The following SLC38A2 variants were observed in gnomAD, a reference collection of about 807,000 sequenced individuals.
The protein encoded by SLC38A2 is solute carrier family 38 member 2, also known as sodium-coupled neutral amino acid symporter 2.
A neutral mutation model predicts 61.5 loss-of-function variants in SLC38A2; 11 were observed. That is an observed-to-expected ratio of 0.18 (90% CI 0.11 to 0.30). The LOEUF (loss-of-function observed/expected upper bound fraction) is 0.30. Among genes scored for constraint, SLC38A2 ranks in the 10% least tolerant of loss-of-function variants. The pLI is 1.00. For synonymous variants in SLC38A2, 217 were observed against 212.5 expected (o/e 1.02, Z -0.18); for missense variants, 522 against 600.4 (o/e 0.87, Z 1.36).
At chr12:46,371,141 C>G (rs918044278) in intron 2 of SLC38A2, 37 bp downstream of exon 2, 1 of 1,580,988 alleles carries the variant, frequency 6.3e-7, no homozygotes, top group East Asian at 2.2e-5. Flanking sequence ...CCAACCCATG[C>G]AAGCCGTTTT....
At chr12:46,362,250 A>T in intron 15 of SLC38A2, 34 bp downstream of exon 15, 2 of 1,481,288 alleles carry the variant, frequency 1.4e-6, no homozygotes, top group Non-Finnish European at 1.8e-6. Context: ...TTATGATATT[A>T]TTACTGTTTC....
intron 7 of SLC38A2, 66 bp from the exon 8 acceptor site, chr12:46,365,255 A>G: frequency 8.0e-7 from 1 of 1,252,548 alleles, no homozygotes. Flanking sequence ...CACATCTTCT[A>G]ACAGGACTCA....
chr12:46,372,114 C>T (rs1458903016), intron 1 of SLC38A2, among the ~76,000 whole-genome samples: 3 of 152,250 alleles, frequency 2.0e-5, no homozygotes, highest in Admixed American at 1.3e-4. Flanking sequence ...ATCTTGGCCT[C>T]TCCTGTAATA....
chr12:46,365,701 C>T (rs754653060), intron 7 of SLC38A2, among the ~76,000 whole-genome samples: 9 of 151,810 alleles, frequency 5.9e-5, no homozygotes, highest in Non-Finnish European at 1.3e-4. Flanking sequence ...CAAACTGCCC[C>T]CCCCATAAAA....
intron 8 of SLC38A2, 28 bp downstream of exon 8, chr12:46,365,079 A>C (rs1425149046): frequency 6.3e-7 from 1 of 1,584,084 alleles, no homozygotes; most frequent in Non-Finnish European, 8.7e-7. Flanking sequence ...GGCTCATTTC[A>C]ATTCTCTTTA....
In SLC38A2 at chr12:46,364,565, A is replaced by G. The variant is rs1943119021; in HGVS notation, c.706-9T>C. On this transcript the variant is annotated splice_polypyrimidine_tract_variant and intron_variant, in intron 9 of 15. Transcript: ENST00000256689. ...AATTTCTTGCAAATGACCTAAAAATATATTATTTTGCATGTGTTAAACTAA... is the reference window on the plus strand; with the variant it reads ...AATTTCTTGCAAATGACCTAAAAATGTATTATTTTGCATGTGTTAAACTAA... 6.2e-7 allele frequency: 1 copy of G among 1,600,410 alleles called. No homozygotes were observed. Among genetic ancestry groups the G allele is most frequent in the Admixed American group, 1.8e-5 (1 of 56,348 alleles).
chr12:46,364,203 G>C (rs1489580112), intron 10 of SLC38A2, among the ~76,000 whole-genome samples, 186 bp downstream of exon 10: 1 of 151,962 alleles, frequency 6.6e-6, no homozygotes, highest in South Asian at 2.1e-4. Context: ...AGCACCATAT[G>C]ATTATCTCAA....
chr12:46,360,511 C>T lies in SLC38A2; in HGVS notation c.*600G>A, dbSNP rs1032554474. On this transcript the variant is annotated 3_prime_UTR_variant, in exon 16 of 16. Coordinates refer to ENST00000256689, the MANE Select transcript of SLC38A2 (RefSeq NM_018976.5). ...GTAAAAAAGTATTTGGCTTATTATGCCTACAAAAAGGCAAACCATTTCATT... is the reference window on the plus strand; with the variant it reads ...GTAAAAAAGTATTTGGCTTATTATGTCTACAAAAAGGCAAACCATTTCATT... 6.6e-6 allele frequency: 1 copy of T among 152,028 alleles called. No individual in the cohort carries two copies. The highest frequency in any genetic ancestry group is 2.4e-5 in the African/African-American group (1 of 41,408). The allele number at this position is 152,028 out of a possible 1,614,324, so 9.4% of individuals were successfully genotyped here.
At position 46,363,481 on chromosome 12, in the gene SLC38A2, C is replaced by CATGT. The variant is rs147644818; in HGVS notation, c.1054+244_1054+245insACAT. Among the ~76,000 whole-genome samples the CATGT allele has an allele frequency of 6.7e-3, 1,024 of 152,070 alleles. 8 individuals are homozygous for CATGT. The highest frequency in any genetic ancestry group is 0.024 in the African/African-American group (978 of 41,496). ...CAGGCAATATGAACTCAGAGGCTGG[C>CATGT]ATATCATACAAATATGCCATCAAAT... On this transcript the variant is annotated intron_variant, in intron 12 of 15. Transcript: ENST00000256689.
Position 46,366,842 on chromosome 12 carries a change from A to T in SLC38A2, c.563+22T>A. The T allele has an allele frequency of 3.1e-6, 5 of 1,587,338 alleles. 1 individual carries two copies. In the South Asian group the frequency reaches 5.8e-5, roughly 18 times the overall value. ...CTTTTGACTATAATTGTTTCTTATG[A>T]GTAACCTTACTTAGCACCTACCCAG... On this transcript the variant is annotated intron_variant, in intron 7 of 15. Coordinates refer to ENST00000256689, the MANE Select transcript of SLC38A2 (RefSeq NM_018976.5).
In SLC38A2 at chr12:46,364,635, C is replaced by A. The variant is rs1324330945; in HGVS notation, c.705+9G>T. ...AAAAAATTTTTTCTAAAAAAAAAATCATACCCACCACAATCAGAAAGAACA... is the reference window on the plus strand; with the variant it reads ...AAAAAATTTTTTCTAAAAAAAAAATAATACCCACCACAATCAGAAAGAACA... On this transcript the variant is annotated intron_variant, in intron 9 of 15. Coordinates refer to ENST00000256689, the MANE Select transcript of SLC38A2 (RefSeq NM_018976.5). 1.9e-6 allele frequency: 3 copies of A among 1,602,640 alleles called. No homozygotes were observed. The highest frequency in any genetic ancestry group is 2.2e-5 in the East Asian group (1 of 44,798).
intron 10 of SLC38A2, 97 bp downstream of exon 10, chr12:46,364,292 A>T: frequency 1.6e-6 from 2 of 1,264,836 alleles, no homozygotes; most frequent in South Asian, 3.1e-5. Context: ...TTTTCTATAA[A>T]GCACCTATTA....
chr12:46,369,623 G>A (rs183206422), intron 4 of SLC38A2, among the ~76,000 whole-genome samples: 27 of 152,164 alleles, frequency 1.8e-4, no homozygotes, highest in Admixed American at 7.8e-4. Context: ...AGGGGTCCAC[G>A]GGTACTTAAA....
chr12:46,360,065 C>T lies in SLC38A2; in HGVS notation c.*1046G>A, dbSNP rs80269170. 1 of 152,622 alleles carries T rather than the reference C, an allele frequency of 6.6e-6. No individual in the cohort carries two copies. Among genetic ancestry groups the T allele is most frequent in the African/African-American group, 2.4e-5 (1 of 41,436 alleles). The allele number at this position is 152,622 out of a possible 1,614,324, so 9.5% of individuals were successfully genotyped here. A position where few individuals can be genotyped will look rare whatever the true frequency, so the allele number is the denominator to read the frequency against. ...ATTTTGAAAAAGTGTACTCTCTGGA[C>T]ACAATAATTTTGGCCTATTGCCATC... On this transcript the variant is annotated 3_prime_UTR_variant, in exon 16 of 16. Transcript: ENST00000256689.
Position 46,362,626 on chromosome 12 carries a change from C to A in SLC38A2, c.1192G>T (p.Val398Leu). The change falls in exon 14 of 16, where the codon GTA (valine) becomes TTA (leucine). Residue 398 changes from valine to leucine, a missense_variant. Transcript: ENST00000256689. ...TTTGATGCACACAACAAGTGAGTTA[C>A]AGAACTCCGGATCTGCAAAAAAAAT... ...PVVIFPIRSS[V>L]THLLCASKDF... 6.4e-7 allele frequency: 1 copy of A among 1,569,828 alleles called. No individual in the cohort carries two copies.
rs773609778 is a variant in SLC38A2, at chr12:46,362,606, T to C, written c.1212A>G (p.Ala404=). 10 of 1,588,940 alleles carry C rather than the reference T, an allele frequency of 6.3e-6. No homozygotes were observed. The highest frequency in any genetic ancestry group is 8.5e-6 in the Non-Finnish European group (10 of 1,174,306). Residue 404 remains alanine (A), a synonymous_variant, in exon 14 of 16, where the codon GCA becomes GCG. Coordinates refer to ENST00000256689, the MANE Select transcript of SLC38A2 (RefSeq NM_018976.5). ...GACGCCACCAACTGAAATCTTTTGATGCACACAACAAGTGAGTTACAGAAC... is the reference window on the plus strand; with the variant it reads ...GACGCCACCAACTGAAATCTTTTGACGCACACAACAAGTGAGTTACAGAAC... ...IRSSVTHLLC[A]SKDFSWWRHS... is the part of the protein sequence containing the mutation.
intron 15 of SLC38A2, 67 bp from the exon 16 acceptor site, chr12:46,361,276 T>G: frequency 7.6e-7 from 1 of 1,307,940 alleles, no homozygotes. Flanking sequence ...TTTCTTCTAT[T>G]TTTTGAAATG....
At position 46,365,161 on chromosome 12, in the gene SLC38A2, C is replaced by T; in HGVS notation, c.592G>A (p.Val198Ile). 6.2e-7 allele frequency: 1 copy of T among 1,613,364 alleles called. No individual in the cohort carries two copies. Among genetic ancestry groups the T allele is most frequent in the Non-Finnish European group, 8.5e-7 (1 of 1,179,590 alleles). Residue 198 changes from valine (V) to isoleucine (I), a missense_variant, in exon 8 of 16, where the codon GTT becomes ATT. Transcript: ENST00000256689. ...GLWYLNGNYL[V>I]LLVSLVVILP... ...ATGACCACCAATGACACCAACAGAA[C>T]CAAATAGTTCCCGTTCAGATACCAC...
chr12:46,364,744 A>G (rs1943122159), intron 8 of SLC38A2, 42 bp from the exon 9 acceptor site: 12 of 1,559,550 alleles, frequency 7.7e-6, no homozygotes, highest in Non-Finnish European at 1.0e-5. Flanking sequence ...GTTTAATGAA[A>G]CAGATTTAAG....
Sources: allele counts gnomAD v4.1 joint callset (sites outside exome capture counted in the v4.1 genomes callset), GRCh38; gene constraint gnomAD v4.1.1; transcripts MANE v1.5; gene names NCBI Gene and HGNC (gene_info 2026-07-23, HGNC 2026-07-21).